The following SLC26A5 variants were observed in gnomAD, a reference collection of about 807,000 sequenced individuals.
SLC26A5 encodes the protein prestin.
A neutral mutation model predicts 81.0 loss-of-function variants in SLC26A5; 51 were observed. The observed-to-expected ratio is 0.63, with a 90% CI of 0.50 to 0.80. The LOEUF (loss-of-function observed/expected upper bound fraction) is 0.80, where lower values mean the gene tolerates loss of function less well. Among genes scored for constraint, SLC26A5 ranks in the 30% least tolerant of loss-of-function variants. The pLI, the probability that SLC26A5 is intolerant of heterozygous loss-of-function variation, is 0.00. For synonymous variants in SLC26A5, 325 were observed against 332.8 expected (o/e 0.98, Z 0.25); for missense variants, 771 against 905.8 (o/e 0.85, Z 1.91).
chr7:103,388,803 G>C, intron 14 of SLC26A5: 2 of 521,850 alleles, frequency 3.8e-6, no homozygotes, highest in South Asian at 1.8e-5. Flanking sequence ...ACATAGAAGA[G>C]CATTTGGCAA....
chr7:103,417,396 T>C (rs1233042871), intron 4 of SLC26A5, among the ~76,000 whole-genome samples: 1 of 146,834 alleles, frequency 6.8e-6, no homozygotes, highest in African/African-American at 2.5e-5. Flanking sequence ...GAAAAAAAAA[T>C]AGAAATAATT....
At chr7:103,357,741 C>A (rs921886674) in intron 19 of SLC26A5, among the ~76,000 whole-genome samples, 7 of 152,172 alleles carry the variant, frequency 4.6e-5, no homozygotes, top group African/African-American at 1.7e-4. Context: ...TGTACCACTT[C>A]TTTTAGTGGT....
intron 4 of SLC26A5, among the ~76,000 whole-genome samples, chr7:103,416,746 T>C (rs1054476234): frequency 6.6e-6 from 1 of 152,092 alleles, no homozygotes; most frequent in Non-Finnish European, 1.5e-5. Flanking sequence ...ACGTGTCTCC[T>C]CTCTCATTTT....
chr7:103,444,524 T>A (rs1827130356), intron 1 of SLC26A5, among the ~76,000 whole-genome samples: 1 of 152,254 alleles, frequency 6.6e-6, no homozygotes, highest in South Asian at 2.1e-4. Flanking sequence ...ATCCATTGAT[T>A]GTTAGAAACT....
At chr7:103,370,966 G>T (rs1400050477), downstream of SLC26A5, among the ~76,000 whole-genome samples, 1 of 152,190 alleles carries the variant, frequency 6.6e-6, no homozygotes, top group African/African-American at 2.4e-5. Flanking sequence ...ACCTGAATTT[G>T]AATCAGGGTG....
At chr7:103,353,056 A>G (rs1004079003) in intron 19 of SLC26A5, 2 of 759,732 alleles carry the variant, frequency 2.6e-6, no homozygotes, top group African/African-American at 3.4e-5. Flanking sequence ...TTGAGCAGCT[A>G]AGCAAATTCA....
chr7:103,358,818 A>T (rs1286557524), intron 19 of SLC26A5, among the ~76,000 whole-genome samples: 6 of 152,152 alleles, frequency 3.9e-5, no homozygotes, highest in Non-Finnish European at 8.8e-5. Context: ...CTTTTCATAT[A>T]GATTTTTCAT....
intron 10 of SLC26A5, among the ~76,000 whole-genome samples, chr7:103,392,534 C>A (rs1822744946): frequency 6.6e-6 from 1 of 152,148 alleles, no homozygotes; most frequent in Admixed American, 6.5e-5. Flanking sequence ...GTTTTTCTAC[C>A]AAGATAGATT....
chr7:103,437,013 A>G (rs924278445), intron 2 of SLC26A5, among the ~76,000 whole-genome samples: 1 of 152,228 alleles, frequency 6.6e-6, no homozygotes, highest in African/African-American at 2.4e-5. Context: ...ACAGAATGGG[A>G]GTAAGTATTT....
At chr7:103,405,250 AAGG>A (rs774780520) in intron 8 of SLC26A5, among the ~76,000 whole-genome samples, 1 of 152,108 alleles carries the variant, frequency 6.6e-6, no homozygotes, top group East Asian at 1.9e-4. Flanking sequence ...TGATCCTTTG[AAGG>A]AGAAGAGGTG....
chr7:103,430,057 T>C (rs1313066674), intron 2 of SLC26A5, among the ~76,000 whole-genome samples: 5 of 151,354 alleles, frequency 3.3e-5, no homozygotes, highest in African/African-American at 1.2e-4. Flanking sequence ...AGGACTGTGT[T>C]TGAAGGCTGG....
intron 5 of SLC26A5, among the ~76,000 whole-genome samples, chr7:103,412,550 T>TTG (rs1168785408): frequency 0.016 from 2,176 of 136,306 alleles, 72 homozygotes; most frequent in African/African-American, 0.069. Context: ...TAGTTTTTTT[T>TTG]TTGTTTTTTT....
intron 2 of SLC26A5, among the ~76,000 whole-genome samples, chr7:103,439,193 C>G (rs964228900): frequency 6.6e-6 from 1 of 152,042 alleles, no homozygotes; most frequent in South Asian, 2.1e-4. Context: ...GAAAGGGAAA[C>G]CGAAGCCCTC....
At chr7:103,398,184 C>T (rs563431849) in intron 8 of SLC26A5, among the ~76,000 whole-genome samples, 170 bp from the exon 9 acceptor site, 20 of 152,320 alleles carry the variant, frequency 1.3e-4, no homozygotes, top group Admixed American at 9.1e-4. Flanking sequence ...CTTAATGACC[C>T]TACCCCACAT....
intron 14 of SLC26A5, among the ~76,000 whole-genome samples, chr7:103,382,594 C>T (rs1338241822): frequency 6.6e-6 from 1 of 152,036 alleles, no homozygotes; most frequent in East Asian, 1.9e-4. Flanking sequence ...AAGTCATCTA[C>T]CCACCTCGGC....
At chr7:103,403,219 T>A (rs1391516739) in intron 8 of SLC26A5, among the ~76,000 whole-genome samples, 1 of 152,258 alleles carries the variant, frequency 6.6e-6, no homozygotes, top group African/African-American at 2.4e-5. Context: ...CTAATTTGAC[T>A]GCACTGTGGT....
intron 4 of SLC26A5, among the ~76,000 whole-genome samples, chr7:103,418,861 C>T (rs1825119686): frequency 6.6e-6 from 1 of 152,148 alleles, no homozygotes; most frequent in South Asian, 2.1e-4. Context: ...ATTCCCCCCA[C>T]AGCAGTCTTC....
At chr7:103,442,210 C>T (rs763150930) in intron 2 of SLC26A5, among the ~76,000 whole-genome samples, 3 of 152,062 alleles carry the variant, frequency 2.0e-5, no homozygotes, top group East Asian at 3.8e-4. Flanking sequence ...GGCGCAATCT[C>T]GGCTCACTGC....
chr7:103,426,558 A>G (rs772570242), intron 2 of SLC26A5, among the ~76,000 whole-genome samples: 1 of 152,180 alleles, frequency 6.6e-6, no homozygotes, highest in African/African-American at 2.4e-5. Flanking sequence ...CAGAGAGGAG[A>G]CGATTCTCAA....
Sources: gnomAD v4.1 joint callset for allele counts (sites outside exome capture counted in the v4.1 genomes callset) on GRCh38, gnomAD v4.1.1 for gene constraint, MANE v1.5 for transcripts, NCBI Gene and HGNC (gene_info 2026-07-23, HGNC 2026-07-21) for gene names.